ARMC2: variants seen among roughly 807,000 people sequenced by gnomAD.
The protein encoded by ARMC2 is armadillo repeat containing 2.
A neutral mutation model predicts 90.3 loss-of-function variants in ARMC2; 67 were observed. That is an observed-to-expected ratio of 0.74 (90% CI 0.61 to 0.91). The LOEUF is 0.91. Ranked by LOEUF, ARMC2 falls within the 40% of genes least tolerant of loss-of-function variation. The pLI, the probability that ARMC2 is intolerant of heterozygous loss-of-function variation, is 0.00. For synonymous variants in ARMC2, 393 were observed against 393.0 expected (o/e 1.00, Z 0.00); for missense variants, 920 against 1,030.9 (o/e 0.89, Z 1.47).
At chr6:109,025,747 A>G in the ARMC2 span, among the ~76,000 whole-genome samples, 1,784 of 152,202 alleles carry the variant, frequency 0.012, 93 homozygotes, top group East Asian at 0.17. Flanking sequence ...GTAAACTAGA[A>G]AGTAAATCTG....
At chr6:108,969,766 G>A (rs1583237297) in intron 17 of ARMC2, among the ~76,000 whole-genome samples, 5 of 152,216 alleles carry the variant, frequency 3.3e-5, no homozygotes, top group Admixed American at 3.3e-4. Context: ...CAAAGGCTGA[G>A]TGCAATGGCT....
At chr6:108,988,837 G>T in the ARMC2 span, 1 of 585,176 alleles carries the variant, frequency 1.7e-6, no homozygotes, top group Non-Finnish European at 2.9e-6. Context: ...TATAACTGCA[G>T]ATGAATAAGT....
the ARMC2 span, chr6:108,990,634 A>G: frequency 2.7e-5 from 43 of 1,613,056 alleles, no homozygotes; most frequent in Non-Finnish European, 3.3e-5. Flanking sequence ...AAACACAGAA[A>G]GAAGACTAAC....
chr6:108,925,254 C>G (rs1774998475), intron 10 of ARMC2, among the ~76,000 whole-genome samples: 1 of 152,062 alleles, frequency 6.6e-6, no homozygotes, highest in Non-Finnish European at 1.5e-5. Context: ...CAAAAAAAAT[C>G]TTAAAATCTG....
the ARMC2 span, among the ~76,000 whole-genome samples, chr6:109,007,683 G>C: frequency 1.3e-5 from 2 of 151,402 alleles, no homozygotes; most frequent in Admixed American, 6.6e-5. Context: ...GAGAGATCTA[G>C]AAGTGTTAGA....
At chr6:108,963,524 G>A (rs1324001855) in intron 15 of ARMC2, among the ~76,000 whole-genome samples, 1 of 152,166 alleles carries the variant, frequency 6.6e-6, no homozygotes, top group African/African-American at 2.4e-5. Context: ...TCAGGTGCAC[G>A]TACTGTGGGA....
intron 5 of ARMC2, among the ~76,000 whole-genome samples, chr6:108,887,440 G>T (rs1241983481): frequency 6.6e-6 from 1 of 152,066 alleles, no homozygotes; most frequent in African/African-American, 2.4e-5. Flanking sequence ...AAACATGTGG[G>T]CTGAGGAGAG....
the ARMC2 span, among the ~76,000 whole-genome samples, chr6:109,010,975 A>T: frequency 6.6e-6 from 1 of 152,240 alleles, no homozygotes; most frequent in Admixed American, 6.5e-5. Flanking sequence ...GATGTATGGG[A>T]TTGTGAGCTG....
intron 8 of ARMC2, among the ~76,000 whole-genome samples, chr6:108,905,821 T>C (rs1457156945): frequency 6.6e-6 from 1 of 152,116 alleles, no homozygotes; most frequent in Non-Finnish European, 1.5e-5. Flanking sequence ...AACTCCAGAG[T>C]GCAGAGCTGG....
chr6:108,984,075 G>T, the ARMC2 span, among the ~76,000 whole-genome samples: 1 of 152,158 alleles, frequency 6.6e-6, no homozygotes, highest in Non-Finnish European at 1.5e-5. Context: ...GCATGTGAGG[G>T]ATGTGGGTTG....
rs1254542183 is a variant in ARMC2, at chr6:108,970,503, T to C, written c.2447-2854T>C. On this transcript the variant is annotated intron_variant, in intron 17 of 17. Transcript: ENST00000392644. Reference sequence around the variant, plus strand: ...CTTTTTCTTCTCTTTTCTTTTTTTTTTTTTTTTTTTTTGAGACAGAGTCTC... The same window carrying C: ...CTTTTTCTTCTCTTTTCTTTTTTTTCTTTTTTTTTTTTGAGACAGAGTCTC... 7.5e-4 allele frequency among the ~76,000 whole-genome samples: 108 copies of C among 144,832 alleles called. 1 individual carries two copies. Among genetic ancestry groups the C allele is most frequent in the Non-Finnish European group, 5.0e-4 (33 of 65,544 alleles).
chr6:108,905,106 G>A (rs776254129), intron 8 of ARMC2, among the ~76,000 whole-genome samples: 8 of 152,158 alleles, frequency 5.3e-5, no homozygotes, highest in African/African-American at 7.2e-5. Context: ...TAAGAGAGCC[G>A]CTAAAACAAA....
the ARMC2 span, among the ~76,000 whole-genome samples, chr6:109,023,453 GTTTT>G: frequency 6.6e-6 from 1 of 151,890 alleles, no homozygotes; most frequent in Non-Finnish European, 1.5e-5. Context: ...GATCCACTAT[GTTTT>G]TTTGATACTT....
Position 108,928,165 on chromosome 6 carries a change from G to A in ARMC2, c.1428G>A (p.Gln476=), listed in dbSNP as rs778481779. 1.9e-6 allele frequency: 3 copies of A among 1,613,058 alleles called. No homozygotes were observed. The African/African-American group carries it at 4.0e-5, about 22-fold the overall frequency. Residue 476 remains glutamine, a synonymous_variant, in exon 11 of 18, where the codon CAG becomes CAA. Coordinates refer to ENST00000392644, the MANE Select transcript of ARMC2 (RefSeq NM_032131.6). The stretch of plus-strand genomic sequence containing the variant: ...TCCTAAACATCAGTGCCCTTCCCCA[G>A]CTCTGCACGGCAATGGAACAGTACA... ...SKFLNISALP[Q]LCTAMEQYKG...
At chr6:108,957,438 A>G (rs992813759) in intron 13 of ARMC2, among the ~76,000 whole-genome samples, 5 of 152,182 alleles carry the variant, frequency 3.3e-5, no homozygotes, top group African/African-American at 2.4e-5. Context: ...GCTTAGAGCA[A>G]CGCAGGGCCA....
In ARMC2 at chr6:108,912,497, T is replaced by C; in HGVS notation, c.1289T>C (p.Ile430Thr). 1 of 1,613,924 alleles carries C rather than the reference T, an allele frequency of 6.2e-7. No homozygotes were observed. Among genetic ancestry groups the C allele is most frequent in the Non-Finnish European group, 8.5e-7 (1 of 1,179,848 alleles). ...VEILINLIKQ[I>T]NENIKKCGTF... ...ATACTGATAAATTTGATAAAACAAA[T>C]AAATGAGAACATCAAGAAATGTGGT... is the stretch of plus-strand genomic sequence containing the variant. The change falls in exon 10 of 18, where the codon ATA (isoleucine) becomes ACA (threonine). Residue 430 changes from isoleucine (I) to threonine (T), a missense_variant. By Grantham distance (89) the Ile-to-Thr change is moderately conservative. Transcript: ENST00000392644.
chr6:108,921,048 A>C (rs1470758005), intron 10 of ARMC2, among the ~76,000 whole-genome samples: 1 of 152,206 alleles, frequency 6.6e-6, no homozygotes, highest in African/African-American at 2.4e-5. Context: ...TAGATCTATT[A>C]GTTGTGGCAG....
intron 5 of ARMC2, among the ~76,000 whole-genome samples, chr6:108,890,690 A>G (rs1369170200): frequency 2.0e-5 from 3 of 152,176 alleles, no homozygotes; most frequent in Non-Finnish European, 2.9e-5. Flanking sequence ...TATACCCACC[A>G]CAACGTAAGG....
Position 108,953,336 on chromosome 6 carries a change from C to T in ARMC2, c.1900C>T (p.Leu634Phe), listed in dbSNP as rs1239490901. 1.6e-5 allele frequency: 25 copies of T among 1,604,056 alleles called. No individual in the cohort carries two copies. The highest frequency in any genetic ancestry group is 2.1e-5 in the Non-Finnish European group (25 of 1,177,668). Residue 634 changes from leucine (L) to phenylalanine (F), a missense_variant, in exon 13 of 18, where the codon CTC (leucine) becomes TTC (phenylalanine). Transcript: ENST00000392644. ...LAANPGIVGL[L>F]LTTLEYKSLD... is the part of the protein sequence containing the mutation. ...CGCCAACCCGGGGATAGTGGGCCTGCTCCTGACCACGCTGGGTGAGAACCG... is the reference window on the plus strand; with the variant it reads ...CGCCAACCCGGGGATAGTGGGCCTGTTCCTGACCACGCTGGGTGAGAACCG...
Sources: allele counts gnomAD v4.1 joint callset (sites outside exome capture counted in the v4.1 genomes callset), GRCh38; gene constraint gnomAD v4.1.1; transcripts MANE v1.5; gene names NCBI Gene and HGNC (gene_info 2026-07-23, HGNC 2026-07-21).